NOCT: variants seen among roughly 807,000 people sequenced by gnomAD.
NOCT encodes the protein CCR4 carbon catabolite repression 4-like.
NOCT carries 18 observed loss-of-function variants against 35.0 expected under a neutral mutation model. The ratio of observed to expected loss-of-function variants is 0.51; its 90% CI spans 0.36 to 0.76. NOCT has a LOEUF of 0.76. NOCT is among the 30% of genes least tolerant of loss of function. NOCT has a pLI of 0.01. For synonymous variants in NOCT, 235 were observed against 226.3 expected (o/e 1.04, Z -0.34); for missense variants, 479 against 541.0 (o/e 0.89, Z 1.14).
intron 1 of NOCT, among the ~76,000 whole-genome samples, chr4:139,025,229 G>T (rs575508042): frequency 1.3e-5 from 2 of 152,134 alleles, no homozygotes; most frequent in Non-Finnish European, 2.9e-5. Flanking sequence ...GTGAGAGAGG[G>T]GACACATGTA....
chr4:139,034,277 C>T (rs1726684280), intron 1 of NOCT, among the ~76,000 whole-genome samples: 1 of 152,096 alleles, frequency 6.6e-6, no homozygotes, highest in African/African-American at 2.4e-5. Context: ...CCTCATGACC[C>T]AAACACCTCC....
intron 1 of NOCT, among the ~76,000 whole-genome samples, chr4:139,026,550 C>G (rs1177587829): frequency 2.7e-5 from 4 of 148,268 alleles, no homozygotes; most frequent in Admixed American, 1.3e-4. Flanking sequence ...ATTTTTCATA[C>G]TTCTTTTTTT....
At chr4:139,037,914 A>G (rs1436358036) in intron 1 of NOCT, among the ~76,000 whole-genome samples, 2 of 151,728 alleles carry the variant, frequency 1.3e-5, no homozygotes, top group East Asian at 3.9e-4. Flanking sequence ...GAAAAAAAAA[A>G]AAAAGGCTGG....
intron 1 of NOCT, among the ~76,000 whole-genome samples, chr4:139,021,532 GAA>G (rs1316658724): frequency 6.6e-6 from 1 of 151,986 alleles, no homozygotes; most frequent in African/African-American, 2.4e-5. Context: ...AAAAAGGGAA[GAA>G]ATTTGCATAT....
chr4:139,032,497 T>A (rs765183930), intron 1 of NOCT, among the ~76,000 whole-genome samples: 18 of 151,698 alleles, frequency 1.2e-4, no homozygotes, highest in South Asian at 2.1e-4. Flanking sequence ...TCTACTTTTT[T>A]AAAAAAAAAT....
At chr4:139,032,740 T>C (rs1190751686) in intron 1 of NOCT, among the ~76,000 whole-genome samples, 1 of 152,156 alleles carries the variant, frequency 6.6e-6, no homozygotes, top group African/African-American at 2.4e-5. Flanking sequence ...GAAATAAGCT[T>C]TGAATATTGA....
At position 139,044,947 on chromosome 4, in the gene NOCT, G is replaced by C; in HGVS notation, c.769G>C (p.Ala257Pro). Residue 257 changes from alanine (A) to proline (P), a missense_variant, in exon 3 of 3, where the codon GCC becomes CCC. Physicochemically the swap from Ala to Pro is conservative, Grantham distance 27 (BLOSUM62 -1). Transcript: ENST00000280614. ...LVNSANIRLT[A>P]MTLKTNQVAI... ...CAACAGTGCCAATATTAGGCTGACA[G>C]CCATGACATTGAAAACCAACCAGGT... 1.2e-6 allele frequency: 2 copies of C among 1,614,204 alleles called. No individual in the cohort carries two copies. Among genetic ancestry groups the C allele is most frequent in the Non-Finnish European group, 1.7e-6 (2 of 1,180,040 alleles).
chr4:139,029,146 A>T (rs754682767), intron 1 of NOCT, among the ~76,000 whole-genome samples: 21 of 152,206 alleles, frequency 1.4e-4, no homozygotes, highest in Non-Finnish European at 2.2e-4. Context: ...GCTGAATAAT[A>T]GCCTTCTCTT....
At chr4:139,042,902 G>A (rs1380429127) in intron 1 of NOCT, among the ~76,000 whole-genome samples, 172 bp from the exon 2 acceptor site, 2 of 141,488 alleles carry the variant, frequency 1.4e-5, no homozygotes, top group Admixed American at 7.3e-5. Context: ...CAACAAGAGC[G>A]AAACTCCATC....
At chr4:139,020,741 A>G (rs1339170350) in intron 1 of NOCT, among the ~76,000 whole-genome samples, 1 of 152,122 alleles carries the variant, frequency 6.6e-6, no homozygotes, top group African/African-American at 2.4e-5. Context: ...AAGCTTGAGA[A>G]GCTCTGGAGA....
intron 1 of NOCT, among the ~76,000 whole-genome samples, chr4:139,020,927 G>C (rs998193890): frequency 5.3e-5 from 8 of 151,878 alleles, no homozygotes; most frequent in African/African-American, 1.7e-4. Context: ...ATAGCCAAGT[G>C]TGGTGGTGCA....
At chr4:139,036,062 C>T (rs1726731700) in intron 1 of NOCT, among the ~76,000 whole-genome samples, 1 of 152,028 alleles carries the variant, frequency 6.6e-6, no homozygotes. Flanking sequence ...TTATTTTTCT[C>T]CAAAGCACTT....
chr4:139,040,440 T>C (rs1029795330), intron 1 of NOCT, among the ~76,000 whole-genome samples: 1 of 152,198 alleles, frequency 6.6e-6, no homozygotes. Flanking sequence ...CTGATATTGT[T>C]CTATTCTTTA....
At chr4:139,023,581 C>T (rs1054445043) in intron 1 of NOCT, among the ~76,000 whole-genome samples, 10 of 152,102 alleles carry the variant, frequency 6.6e-5, no homozygotes, top group African/African-American at 1.9e-4. Context: ...CTGCAACCTC[C>T]GTCTCCCGGG....
intron 1 of NOCT, among the ~76,000 whole-genome samples, chr4:139,033,692 G>T (rs1025595479): frequency 3.3e-5 from 5 of 151,934 alleles, no homozygotes; most frequent in Non-Finnish European, 5.9e-5. Flanking sequence ...AAAAAAAAAG[G>T]GGGAATGTAA....
In NOCT at chr4:139,043,356, C is replaced by A. The variant is rs1425250183; in HGVS notation, c.460+13C>A. 2.5e-6 allele frequency: 4 copies of A among 1,607,986 alleles called. No individual in the cohort carries two copies. The Admixed American group carries it at 6.7e-5, about 27-fold the overall frequency. The stretch of plus-strand genomic sequence containing the variant: ...ATCCTCGCCCAAGGTATGCTGGATG[C>A]TTTTGTGCCTCTGCAGTCAAGTTTG... On this transcript the variant is annotated intron_variant, in intron 2 of 2. Transcript: ENST00000280614.
intron 1 of NOCT, among the ~76,000 whole-genome samples, chr4:139,027,838 CAT>C (rs1457487209): frequency 2.6e-5 from 4 of 152,162 alleles, no homozygotes; most frequent in Admixed American, 6.6e-5. Context: ...ATCATTTTCA[CAT>C]GTCATGAAAT....
At chr4:139,020,503 A>C (rs1560728629) in intron 1 of NOCT, among the ~76,000 whole-genome samples, 1 of 152,176 alleles carries the variant, frequency 6.6e-6, no homozygotes. Context: ...TGGCGCTCGC[A>C]TGCAGGAGCT....
intron 1 of NOCT, among the ~76,000 whole-genome samples, chr4:139,042,143 C>A (rs1726844523): frequency 6.8e-6 from 1 of 147,846 alleles, no homozygotes; most frequent in Non-Finnish European, 1.5e-5. Flanking sequence ...CCTCAGCTCA[C>A]TGCAACCACC....
Sources: gnomAD v4.1 joint callset for allele counts (sites outside exome capture counted in the v4.1 genomes callset) on GRCh38, gnomAD v4.1.1 for gene constraint, MANE v1.5 for transcripts, NCBI Gene and HGNC (gene_info 2026-07-23, HGNC 2026-07-21) for gene names.